Variants in NEUROD4 observed in about 807,000 individuals in gnomAD.
The protein encoded by NEUROD4 is neurogenic differentiation factor 4.
A neutral mutation model predicts 19.8 loss-of-function variants in NEUROD4; 16 were observed. The ratio of observed to expected loss-of-function variants is 0.81; its 90% confidence interval spans 0.55 to 1.23. NEUROD4 has a LOEUF of 1.23. NEUROD4 is among the 50% of genes most tolerant of loss of function. The probability of loss-of-function intolerance (pLI) is 0.00; values close to 1 mark genes in which losing one functional copy is unlikely to be tolerated. For synonymous variants in NEUROD4, 153 were observed against 147.9 expected (o/e 1.03, Z -0.25); for missense variants, 439 against 398.6 (o/e 1.10, Z -0.86).
At chr12:55,023,883 C>T (rs1952695238) in intron 1 of NEUROD4, among the ~76,000 whole-genome samples, 1 of 152,196 alleles carries the variant, frequency 6.6e-6, no homozygotes, top group Non-Finnish European at 1.5e-5. Context: ...AAAAGATGGT[C>T]TATTCTATCC....
chr12:55,021,676 T>A (rs1012811292), intron 1 of NEUROD4, among the ~76,000 whole-genome samples: 1 of 152,174 alleles, frequency 6.6e-6, no homozygotes, highest in African/African-American at 2.4e-5. Flanking sequence ...TTAAAATTTT[T>A]AAAAATATGA....
At position 55,027,144 on chromosome 12, in the gene NEUROD4, G is replaced by T; in HGVS notation, c.705G>T (p.Ser235=). ...KPQVFKSLGE[S]SFGSHLPDCS... ...AAGTATTCAAGAGTTTGGGAGAATC[G>T]TCCTTTGGGAGCCATCTGCCTGACT... Residue 235 remains serine (S), a synonymous_variant, in exon 2 of 2, where the codon TCG becomes TCT. Coordinates refer to ENST00000242994, the MANE Select transcript of NEUROD4 (RefSeq NM_021191.3). 3 of 1,614,086 alleles carry T rather than the reference G, an allele frequency of 1.9e-6. No individual in the cohort carries two copies. Among genetic ancestry groups the T allele is most frequent in the Non-Finnish European group, 2.5e-6 (3 of 1,180,006 alleles).
chr12:55,029,563 T>C lies in NEUROD4; in HGVS notation c.*2128T>C, dbSNP rs965307661. ...GCCCCATAGATGTGCTTGCAAACCC[T>C]TCCTAAAATTTTATTTGGAAAGTAG... On this transcript the variant is annotated 3_prime_UTR_variant, in exon 2 of 2. Coordinates refer to ENST00000242994, the MANE Select transcript of NEUROD4 (RefSeq NM_021191.3). The C allele has an allele frequency of 1.2e-5, 2 of 167,082 alleles. No homozygotes were observed. Among genetic ancestry groups the C allele is most frequent in the Non-Finnish European group, 2.9e-5 (2 of 68,104 alleles). 10.3% of individuals were successfully genotyped at this position (167,082 alleles called of 1,614,324 possible).
chr12:55,021,893 T>C (rs1045512022), intron 1 of NEUROD4, among the ~76,000 whole-genome samples: 1 of 152,004 alleles, frequency 6.6e-6, no homozygotes, highest in African/African-American at 2.4e-5. Flanking sequence ...TATTCATTGA[T>C]TTTTGTCATG....
intron 1 of NEUROD4, 90 bp from the exon 2 acceptor site, chr12:55,026,341 C>T: frequency 3.5e-6 from 4 of 1,144,334 alleles, no homozygotes; most frequent in Non-Finnish European, 4.9e-6. Context: ...GAATGGAAGA[C>T]TTGGACAAGA....
rs1263153883 is a variant in NEUROD4, at chr12:55,026,660, A to G, written c.221A>G (p.Lys74Arg). The part of the protein sequence containing the change: ...GEKPKRRGPK[K>R]KKMTKARLER... Reference sequence around the variant, plus strand: ...AAACCTAAGAGAAGGGGTCCCAAGAAAAAGAAGATGACCAAAGCTCGCCTT... The same window carrying G: ...AAACCTAAGAGAAGGGGTCCCAAGAGAAAGAAGATGACCAAAGCTCGCCTT... Residue 74 changes from lysine (K) to arginine (R), a missense_variant, in exon 2 of 2, where the codon AAA becomes AGA. Lys to Arg is a conservative substitution (Grantham distance 26, BLOSUM62 2). Transcript: ENST00000242994. 2 of 1,614,020 alleles carry G rather than the reference A, an allele frequency of 1.2e-6. No homozygotes were observed. The highest frequency in any genetic ancestry group is 1.3e-5 in the African/African-American group (1 of 74,918).
Position 55,026,651 on chromosome 12 carries a change from G to T in NEUROD4, c.212G>T (p.Gly71Val), listed in dbSNP as rs772363092. 1 of 1,613,900 alleles carries T rather than the reference G, an allele frequency of 6.2e-7. No homozygotes were observed. The highest frequency in any genetic ancestry group is 1.7e-5 in the Admixed American group (1 of 60,004). ...GATGGGGAGAAACCTAAGAGAAGGGGTCCCAAGAAAAAGAAGATGACCAAA... is the reference window on the plus strand; with the variant it reads ...GATGGGGAGAAACCTAAGAGAAGGGTTCCCAAGAAAAAGAAGATGACCAAA... Reference protein sequence around the residue: ...EEDGEKPKRRGPKKKKMTKAR... With the variant: ...EEDGEKPKRRVPKKKKMTKAR... Residue 71 changes from glycine (G) to valine (V), a missense_variant, in exon 2 of 2, where the codon GGT (glycine) becomes GTT (valine). Physicochemically the swap from Gly to Val is moderately radical, Grantham distance 109. Transcript: ENST00000242994.
Position 55,026,426 on chromosome 12 carries a change from T to A in NEUROD4, c.-9-5T>A, listed in dbSNP as rs767660802. On this transcript the variant is annotated splice_polypyrimidine_tract_variant and splice_region_variant and intron_variant, in intron 1 of 1. Coordinates refer to ENST00000242994, the MANE Select transcript of NEUROD4 (RefSeq NM_021191.3). The stretch of plus-strand genomic sequence containing the variant: ...GAATTAACCTTTGATATTTCCCTTT[T>A]CCAGAGTCTGGAAATGTCAAAAACT... 6.3e-7 allele frequency: 1 copy of A among 1,581,322 alleles called. No individual in the cohort carries two copies. The highest frequency in any genetic ancestry group is 8.6e-7 in the Non-Finnish European group (1 of 1,166,734).
chr12:55,026,406 A>G, intron 1 of NEUROD4, 25 bp from the exon 2 acceptor site: 1 of 1,557,746 alleles, frequency 6.4e-7, no homozygotes, highest in Non-Finnish European at 8.6e-7. Context: ...CACAGGAATT[A>G]ACCTTTGATA....
chr12:55,024,124 G>T (rs1952699001), intron 1 of NEUROD4, among the ~76,000 whole-genome samples: 2 of 152,082 alleles, frequency 1.3e-5, no homozygotes, highest in Non-Finnish European at 2.9e-5. Flanking sequence ...GAAGATAAGA[G>T]AATGAGGATA....
rs944120534 is a variant in NEUROD4 at position 55,029,362 on chromosome 12, T to A, written c.*1927T>A. On this transcript the variant is annotated 3_prime_UTR_variant, in exon 2 of 2. Coordinates refer to ENST00000242994, the MANE Select transcript of NEUROD4 (RefSeq NM_021191.3). ...AGTAAAATGATATATAAAGCCATAC[T>A]ATGTGCTTTCTGAGTATATACTGCA... The A allele has an allele frequency of 6.0e-6, 1 of 166,970 alleles. No individual in the cohort carries two copies. The highest frequency in any genetic ancestry group is 1.5e-5 in the Non-Finnish European group (1 of 68,110). The allele number at this position is 166,970 out of a possible 1,614,324, so 10.3% of individuals were successfully genotyped here.
chr12:55,028,712 AT>A lies in NEUROD4; in HGVS notation c.*1279del, dbSNP rs1431761663. The A allele has an allele frequency of 1.2e-5, 2 of 167,096 alleles. No homozygotes were observed. The highest frequency in any genetic ancestry group is 3.8e-4 in the East Asian group (2 of 5,208). The allele number at this position is 167,096 out of a possible 1,614,324, so 10.4% of individuals were successfully genotyped here. On this transcript the variant is annotated 3_prime_UTR_variant, in exon 2 of 2. Transcript: ENST00000242994. ...TCTAAGATAGAATATGTTATTATATATTGTAAATAACATTTCAGGTGACCAA... is the reference window on the plus strand; with the variant it reads ...TCTAAGATAGAATATGTTATTATATATGTAAATAACATTTCAGGTGACCAA...
Position 55,029,452 on chromosome 12 carries a change from T to C in NEUROD4, c.*2017T>C, listed in dbSNP as rs1952769464. 6.0e-6 allele frequency: 1 copy of C among 167,044 alleles called. No individual in the cohort carries two copies. The highest frequency in any genetic ancestry group is 6.5e-5 in the Admixed American group (1 of 15,280). The allele number at this position is 167,044 out of a possible 1,614,324, so 10.3% of individuals were successfully genotyped here. A position where few individuals can be genotyped will look rare whatever the true frequency, so the allele number is the denominator to read the frequency against. ...AGCTAGCATTTTCTGGCATTTAAGT[T>C]TGTAGATAATCACTGTTGTTTGAGT... On this transcript the variant is annotated 3_prime_UTR_variant, in exon 2 of 2. Coordinates refer to ENST00000242994, the MANE Select transcript of NEUROD4 (RefSeq NM_021191.3).
intron 1 of NEUROD4, among the ~76,000 whole-genome samples, chr12:55,023,783 C>T (rs1006927929): frequency 5.9e-5 from 9 of 152,140 alleles, no homozygotes; most frequent in African/African-American, 1.9e-4. Context: ...TTGGCCAAAG[C>T]CAGTTGATTC....
At position 55,019,999 on chromosome 12, in the gene NEUROD4, T is replaced by C. The variant is rs201381984; in HGVS notation, c.-324T>C. On this transcript the variant is annotated 5_prime_UTR_variant, in exon 1 of 2. Coordinates refer to ENST00000242994, the MANE Select transcript of NEUROD4 (RefSeq NM_021191.3). ...AGAGAGCAGGAGCTGCCCAGAGGCT[T>C]GTGGTCCTGAAAGCTCCTCTCCGGG... is the stretch of plus-strand genomic sequence containing the variant. 1 of 60,622 alleles carries C rather than the reference T, an allele frequency of 1.6e-5. No homozygotes were observed. The highest frequency in any genetic ancestry group is 3.5e-4 in the East Asian group (1 of 2,836). The allele number at this position is 60,622 out of a possible 1,614,324, so 3.8% of individuals were successfully genotyped here.
Position 55,026,743 on chromosome 12 carries a change from G to C in NEUROD4, c.304G>C (p.Gly102Arg). ...ANARERTRMHGLNDALDNLRR... is the reference protein window; with the variant it reads ...ANARERTRMHRLNDALDNLRR... ...TGCCAGAGAACGGACCCGGATGCATGGCCTGAATGACGCCCTGGATAACCT... is the reference window on the plus strand; with the variant it reads ...TGCCAGAGAACGGACCCGGATGCATCGCCTGAATGACGCCCTGGATAACCT... The change falls in exon 2 of 2, where the codon GGC becomes CGC. Residue 102 changes from glycine to arginine, a missense_variant. Physicochemically the swap from Gly to Arg is moderately radical, Grantham distance 125. Transcript: ENST00000242994. The C allele has an allele frequency of 6.2e-7, 1 of 1,614,140 alleles. No individual in the cohort carries two copies. Among genetic ancestry groups the C allele is most frequent in the South Asian group, 1.1e-5 (1 of 91,082 alleles).
rs532613277 is a variant in NEUROD4, at chr12:55,026,292, T to G, written c.-9-139T>G. 126 of 613,482 alleles carry G rather than the reference T, an allele frequency of 2.1e-4. 1 individual carries two copies. In the African/African-American group the frequency reaches 2.2e-3, roughly 11 times the overall value. 38.0% of individuals were successfully genotyped at this position (613,482 alleles called of 1,614,324 possible). ...TTATACTATGCCATAACTAAAGGAG[T>G]ATTCTGGGAATTTCTTTCAGTTTTG... On this transcript the variant is annotated intron_variant, in intron 1 of 1. Transcript: ENST00000242994.
rs1295832768 is a variant in NEUROD4, at chr12:55,028,812, C to A, written c.*1377C>A. On this transcript the variant is annotated 3_prime_UTR_variant, in exon 2 of 2. Transcript: ENST00000242994. ...ACTATGTCTTCATCACAGGTTTAAC[C>A]CAATTTGCAGAGTGTTTATTTTTCT... 6.0e-6 allele frequency: 1 copy of A among 166,830 alleles called. No individual in the cohort carries two copies. The highest frequency in any genetic ancestry group is 6.6e-5 in the Admixed American group (1 of 15,266). The allele number at this position is 166,830 out of a possible 1,614,324, so 10.3% of individuals were successfully genotyped here.
rs565874557 is a variant in NEUROD4 at position 55,026,678 on chromosome 12, C to T, written c.239C>T (p.Ala80Val). ...RGPKKKKMTK[A>V]RLERFRARRV... ...CCCAAGAAAAAGAAGATGACCAAAG[C>T]TCGCCTTGAGAGATTCAGGGCTCGA... Residue 80 changes from alanine (A) to valine (V), a missense_variant, in exon 2 of 2, where the codon GCT becomes GTT. Transcript: ENST00000242994. 6.2e-7 allele frequency: 1 copy of T among 1,614,138 alleles called. No homozygotes were observed. Among genetic ancestry groups the T allele is most frequent in the African/African-American group, 1.3e-5 (1 of 75,042 alleles).
Sources: gnomAD v4.1 joint callset for allele counts (sites outside exome capture counted in the v4.1 genomes callset) on GRCh38, gnomAD v4.1.1 for gene constraint, MANE v1.5 for transcripts, NCBI Gene and HGNC (gene_info 2026-07-23, HGNC 2026-07-21) for gene names.